DENND4C: variants seen among roughly 807,000 people sequenced by gnomAD.
DENND4C encodes the protein DENN domain-containing protein 4C.
DENND4C carries 108 observed loss-of-function variants against 203.0 expected under a neutral mutation model. That is an observed-to-expected ratio of 0.53 (90% CI 0.46 to 0.62). The LOEUF is 0.62. DENND4C is among the 20% of genes least tolerant of loss of function. The pLI, the probability that DENND4C is intolerant of heterozygous loss-of-function variation, is 0.00. For synonymous variants in DENND4C, 871 were observed against 792.4 expected, an observed-to-expected ratio of 1.10 and a Z score of -1.67; for missense variants, 2,481 against 2,301.2, an observed-to-expected ratio of 1.08 and a Z score of -1.60.
intron 12 of DENND4C, among the ~76,000 whole-genome samples, chr9:19,318,154 A>G (rs1464595571): frequency 6.6e-6 from 1 of 152,118 alleles, no homozygotes; most frequent in East Asian, 1.9e-4. Flanking sequence ...CCCTGTCTCT[A>G]CGAAAAATAT....
At chr9:19,367,623 C>T (rs895663339) in intron 30 of DENND4C, among the ~76,000 whole-genome samples, 3 of 152,184 alleles carry the variant, frequency 2.0e-5, no homozygotes, top group Non-Finnish European at 2.9e-5. Flanking sequence ...CCTGTAGTCC[C>T]AGCTACTTGG....
At chr9:19,267,559 C>T (rs146004129) in intron 1 of DENND4C, among the ~76,000 whole-genome samples, 2 of 151,960 alleles carry the variant, frequency 1.3e-5, no homozygotes, top group African/African-American at 2.4e-5. Flanking sequence ...TTTTTAGAGA[C>T]CGGTTCTCAC....
chr9:19,256,672 T>A lies in DENND4C; in HGVS notation c.-17-19486T>A, dbSNP rs921455995. 3.5e-4 allele frequency among the ~76,000 whole-genome samples: 54 copies of A among 152,172 alleles called. 1 individual carries two copies. Among genetic ancestry groups the A allele is most frequent in the Admixed American group, 1.8e-3 (27 of 15,272 alleles). Reference sequence around the variant, plus strand: ...TTTAAAATTAAATCTGTGTCTTTTTTATGTTATTTTTTATTTTAATTTGTA... The same window carrying A: ...TTTAAAATTAAATCTGTGTCTTTTTAATGTTATTTTTTATTTTAATTTGTA... On this transcript the variant is annotated intron_variant, in intron 1 of 32. Transcript: ENST00000434457.
chr9:19,257,137 A>G (rs563565712), intron 1 of DENND4C, among the ~76,000 whole-genome samples: 3 of 152,148 alleles, frequency 2.0e-5, no homozygotes, highest in African/African-American at 7.2e-5. Flanking sequence ...GAAAAGGAAA[A>G]AAAGGAAAAA....
chr9:19,326,712 A>G (rs1449244797), intron 15 of DENND4C, among the ~76,000 whole-genome samples: 5 of 152,200 alleles, frequency 3.3e-5, no homozygotes, highest in Admixed American at 6.5e-5. Flanking sequence ...TCTAGCACCA[A>G]TACTTGTGTC....
intron 1 of DENND4C, among the ~76,000 whole-genome samples, chr9:19,265,779 G>T (rs1441101341): frequency 4.6e-5 from 7 of 152,196 alleles, no homozygotes; most frequent in Non-Finnish European, 8.8e-5. Context: ...CAAAGGACAA[G>T]AACTCAACCT....
rs188234305 is a variant in DENND4C, at chr9:19,306,304, G to A, written c.1487+777G>A. On this transcript the variant is annotated intron_variant, in intron 10 of 32. Transcript: ENST00000434457. ...ATAGTTCCAACAGTAGAATTCGTTG[G>A]GAAAATATTTTTATGTGAACCAAAA... Among the ~76,000 whole-genome samples the A allele has an allele frequency of 1.1e-4, 16 of 152,182 alleles. No homozygotes were observed. The East Asian group carries it at 3.1e-3, about 29-fold the overall frequency.
At chr9:19,273,720 A>G (rs529129480) in intron 1 of DENND4C, among the ~76,000 whole-genome samples, 24 of 152,038 alleles carry the variant, frequency 1.6e-4, no homozygotes, top group African/African-American at 5.1e-4. Context: ...CCAGAAGTTG[A>G]TATCAGTACA....
rs188146184 is a variant in DENND4C at position 19,248,500 on chromosome 9, C to T, written c.-18+17667C>T. On this transcript the variant is annotated intron_variant, in intron 1 of 32. Transcript: ENST00000434457. ...CGCCTCCTGGGTTCAAGCGATTCTC[C>T]TGCCTCAGCCACCTGAGTAGCTGGG... Among the ~76,000 whole-genome samples, 611 of 151,968 alleles carry T rather than the reference C, an allele frequency of 4.0e-3. 3 individuals are homozygous for T. Among genetic ancestry groups the T allele is most frequent in the African/African-American group, 0.014 (590 of 41,470 alleles).
intron 10 of DENND4C, among the ~76,000 whole-genome samples, chr9:19,311,637 ATAAGCT>A (rs552571892): frequency 6.4e-4 from 97 of 152,334 alleles, no homozygotes; most frequent in Non-Finnish European, 1.3e-3. Context: ...GGAAAATCAA[ATAAGCT>A]TAAGCTTATT....
At chr9:19,309,705 T>C (rs1840371878) in intron 10 of DENND4C, among the ~76,000 whole-genome samples, 1 of 152,078 alleles carries the variant, frequency 6.6e-6, no homozygotes, top group Non-Finnish European at 1.5e-5. Flanking sequence ...CAAAATTACA[T>C]TGGGATTTTT....
rs772924348 is a variant in DENND4C, at chr9:19,358,073, A to C, written c.5073A>C (p.Gly1691=). ...CTTTGACTCGAAGTCACAGTGTTGG[A>C]GGCCCATTGCAGAATATTGACTTTA... ...NVSLTRSHSV[G]GPLQNIDFTQ... Residue 1691 remains glycine (G), a synonymous_variant, in exon 28 of 33, where the codon GGA becomes GGC. Coordinates refer to ENST00000434457, the MANE Select transcript of DENND4C (RefSeq NM_001330640.2). The surrounding 1 kb of genome is among the most constrained non-coding windows in gnomAD (Gnocchi z 4.8). 2 of 1,614,002 alleles carry C rather than the reference A, an allele frequency of 1.2e-6. No individual in the cohort carries two copies. Among genetic ancestry groups the C allele is most frequent in the Non-Finnish European group, 1.7e-6 (2 of 1,179,864 alleles).
intron 15 of DENND4C, among the ~76,000 whole-genome samples, chr9:19,327,267 A>G (rs975213639): frequency 5.3e-5 from 8 of 152,150 alleles, no homozygotes; most frequent in South Asian, 2.1e-4. Context: ...ACAATTTCCA[A>G]GAAATCCAAA....
intron 12 of DENND4C, among the ~76,000 whole-genome samples, chr9:19,322,880 G>A (rs1843122847): frequency 6.6e-6 from 1 of 152,142 alleles, no homozygotes. Context: ...AGAGCTAATG[G>A]GCTGGGAGTG....
At chr9:19,333,298 G>T (rs533825559) in intron 17 of DENND4C, among the ~76,000 whole-genome samples, 1 of 152,164 alleles carries the variant, frequency 6.6e-6, no homozygotes, top group Admixed American at 6.5e-5. Flanking sequence ...TTATAAATAT[G>T]AGCCACTGCA....
At chr9:19,234,808 C>T (rs1389162487) in intron 1 of DENND4C, among the ~76,000 whole-genome samples, 1 of 151,958 alleles carries the variant, frequency 6.6e-6, no homozygotes, top group East Asian at 1.9e-4. Flanking sequence ...TCCCAAAGTG[C>T]TGTGATTACA....
intron 1 of DENND4C, among the ~76,000 whole-genome samples, chr9:19,272,798 T>C (rs1166470413): frequency 6.6e-6 from 1 of 152,112 alleles, no homozygotes; most frequent in Non-Finnish European, 1.5e-5. Context: ...GATGGAGTCT[T>C]GCTCTCTCGC....
intron 1 of DENND4C, among the ~76,000 whole-genome samples, chr9:19,247,642 C>G (rs1304500859): frequency 6.6e-6 from 1 of 152,172 alleles, no homozygotes; most frequent in Non-Finnish European, 1.5e-5. Flanking sequence ...CATCCTCCCA[C>G]CTTGGCCTCC....
At position 19,371,634 on chromosome 9, in the gene DENND4C, A is replaced by G. The variant is rs1828849604; in HGVS notation, c.5676-122A>G. The G allele has an allele frequency of 3.0e-5, 17 of 564,962 alleles. No homozygotes were observed. The South Asian group carries it at 3.3e-4, about 11-fold the overall frequency. The allele number at this position is 564,962 out of a possible 1,614,324, so 35.0% of individuals were successfully genotyped here. A position where few individuals can be genotyped will look rare whatever the true frequency, so the allele number is the denominator to read the frequency against. On this transcript the variant is annotated intron_variant, in intron 31 of 32. Transcript: ENST00000434457. ...TGTAATGTAATATTAAAACCAGGACATTGACATAGTTATATTACTATTAAC... is the reference window on the plus strand; with the variant it reads ...TGTAATGTAATATTAAAACCAGGACGTTGACATAGTTATATTACTATTAAC...
Sources: allele counts gnomAD v4.1 joint callset (sites outside exome capture counted in the v4.1 genomes callset), GRCh38; gene constraint gnomAD v4.1.1; non-coding constraint Gnocchi (gnomAD v3.1); transcripts MANE v1.5; gene names NCBI Gene and HGNC (gene_info 2026-07-23, HGNC 2026-07-21).